CDKN2B-AS1: variants seen among roughly 807,000 people sequenced by gnomAD.
CDKN2B-AS1 encodes the protein CDKN2B antisense RNA 1 (non-protein coding).
intron 1 of CDKN2B-AS1, among the ~76,000 whole-genome samples, chr9:22,026,919 G>A (rs539519926): frequency 9.9e-4 from 150 of 152,154 alleles, no homozygotes; most frequent in Non-Finnish European, 1.6e-3. Context: ...CCAGAGTTGC[G>A]CATTCACTTA....
chr9:22,033,480 A>G (rs1822559811), intron 1 of CDKN2B-AS1, among the ~76,000 whole-genome samples: 1 of 152,178 alleles, frequency 6.6e-6, no homozygotes, highest in Admixed American at 6.6e-5. Context: ...TTTAACAAGT[A>G]CTGGCAAGTC....
intron 4 of CDKN2B-AS1, among the ~76,000 whole-genome samples, chr9:22,089,714 T>A (rs1047391205): frequency 1.3e-4 from 20 of 152,152 alleles, no homozygotes; most frequent in Non-Finnish European, 2.8e-4. Context: ...CCTCCCAAAG[T>A]GCTGGAGTTA....
In CDKN2B-AS1 at chr9:22,067,802, C is replaced by G. The variant is rs140483259; in HGVS notation, n.438+11415C>G. Among the ~76,000 whole-genome samples, 665 of 152,198 alleles carry G rather than the reference C, an allele frequency of 4.4e-3. 3 individuals carry two copies. Among genetic ancestry groups the G allele is most frequent in the Admixed American group, 4.3e-3 (66 of 15,278 alleles). The stretch of plus-strand genomic sequence containing the variant: ...GTGGTAGCTTTATGTTCCAGTTCAG[C>G]AAAACACAAATTTGAAGGCAATCTG... On this transcript the variant is annotated intron_variant and non_coding_transcript_variant, in intron 4 of 4. Transcript: ENST00000650946.
chr9:22,063,159 G>T (rs1823895558), intron 4 of CDKN2B-AS1, among the ~76,000 whole-genome samples: 1 of 152,040 alleles, frequency 6.6e-6, no homozygotes, highest in African/African-American at 2.4e-5. Flanking sequence ...ACATCAAGAG[G>T]ATAACTGAAG....
At position 21,997,779 on chromosome 9, in the gene CDKN2B-AS1, T is replaced by C. The variant is rs763252095; in HGVS notation, n.29+2618T>C. Among the ~76,000 whole-genome samples, 2 of 152,080 alleles carry C rather than the reference T, an allele frequency of 1.3e-5. No homozygotes were observed. The highest frequency in any genetic ancestry group is 3.9e-4 in the East Asian group (2 of 5,188). On this transcript the variant is annotated intron_variant and non_coding_transcript_variant, in intron 1 of 4. Transcript: ENST00000650946. This position sits in a 1 kb window ranked among gnomAD's most constrained non-coding sequence, Gnocchi z 4.8. ...TCTAAAAAATACCTCCACAGCAATA[T>C]TTAGACTGGTGTTTGACTCAAACAC... is the stretch of plus-strand genomic sequence containing the variant.
In CDKN2B-AS1 at chr9:22,000,477, A is replaced by G. The variant is rs960832082; in HGVS notation, n.29+5316A>G. Among the ~76,000 whole-genome samples the G allele has an allele frequency of 5.3e-5, 8 of 152,222 alleles. No homozygotes were observed. The highest frequency in any genetic ancestry group is 7.4e-5 in the Non-Finnish European group (5 of 68,024). ...TTAGCAAATAATAGAGGATGATCAA[A>G]TGTTTTTCAGAAAATATTATAGGTG... On this transcript the variant is annotated intron_variant and non_coding_transcript_variant, in intron 1 of 4. Transcript: ENST00000650946. This position sits in a 1 kb window ranked among gnomAD's most constrained non-coding sequence, Gnocchi z 4.1.
chr9:22,013,705 G>A (rs1821613876), intron 1 of CDKN2B-AS1, among the ~76,000 whole-genome samples: 1 of 151,990 alleles, frequency 6.6e-6, no homozygotes, highest in Admixed American at 6.6e-5. Context: ...CTTTCACCTC[G>A]GCCCCCCAAA....
chr9:22,013,640 A>G (rs187702867), intron 1 of CDKN2B-AS1, among the ~76,000 whole-genome samples: 14 of 152,196 alleles, frequency 9.2e-5, no homozygotes, highest in Non-Finnish European at 7.4e-5. Context: ...TTTTGAAGAG[A>G]TGAAGTCTTG....
chr9:22,011,929 G>T (rs1380105954), intron 1 of CDKN2B-AS1, among the ~76,000 whole-genome samples: 5 of 152,196 alleles, frequency 3.3e-5, no homozygotes, highest in Non-Finnish European at 7.3e-5. Context: ...TTATAATTGA[G>T]AAGAAAGAAA....
intron 4 of CDKN2B-AS1, among the ~76,000 whole-genome samples, chr9:22,090,898 G>C (rs1400965181): frequency 6.6e-6 from 1 of 152,080 alleles, no homozygotes; most frequent in Non-Finnish European, 1.5e-5. Context: ...TGAAGTCCTT[G>C]CCCATGCCTA....
intron 1 of CDKN2B-AS1, among the ~76,000 whole-genome samples, chr9:22,008,281 T>C (rs996105062): frequency 6.6e-6 from 1 of 152,194 alleles, no homozygotes; most frequent in African/African-American, 2.4e-5. Context: ...ACTGCTAACA[T>C]AAAAGGAACT....
chr9:22,112,730 C>G (rs2131368929), intron 4 of CDKN2B-AS1, among the ~76,000 whole-genome samples: 1 of 152,136 alleles, frequency 6.6e-6, no homozygotes. Context: ...AAAATTTAAT[C>G]TTATAATAAT....
At chr9:22,100,817 T>C (rs1825457885) in intron 4 of CDKN2B-AS1, among the ~76,000 whole-genome samples, 1 of 152,210 alleles carries the variant, frequency 6.6e-6, no homozygotes, top group Admixed American at 6.6e-5. Context: ...CACTTATTAT[T>C]GCCTGTCTTT....
intron 4 of CDKN2B-AS1, chr9:22,118,167 C>T (rs1187837091): frequency 6.6e-6 from 1 of 152,232 alleles, no homozygotes; most frequent in African/African-American, 2.4e-5. Flanking sequence ...CCATTCTCTC[C>T]ACATTGCCTT....
chr9:22,021,008 G>A (rs1821991960), intron 1 of CDKN2B-AS1, among the ~76,000 whole-genome samples: 2 of 152,086 alleles, frequency 1.3e-5, no homozygotes, highest in Non-Finnish European at 2.9e-5. Flanking sequence ...ATAGTTTTGG[G>A]TTTTACATTT....
intron 4 of CDKN2B-AS1, among the ~76,000 whole-genome samples, chr9:22,079,023 C>T (rs1231978289): frequency 2.6e-5 from 4 of 152,130 alleles, no homozygotes; most frequent in South Asian, 2.1e-4. Context: ...GGGGACAAGT[C>T]GCCCCAAAGC....
In CDKN2B-AS1 at chr9:22,006,001, C is replaced by A. The variant is rs756217982; in HGVS notation, n.29+10840C>A. 6.2e-7 allele frequency: 1 copy of A among 1,602,908 alleles called. No homozygotes were observed. The highest frequency in any genetic ancestry group is 8.5e-7 in the Non-Finnish European group (1 of 1,179,764). ...GGAACCTGGCGTCAGTCCCCCGTGG[C>A]TGTGCGCAGGTACCCTGCAACGTCG... On this transcript the variant is annotated intron_variant and non_coding_transcript_variant, in intron 1 of 4. Transcript: ENST00000650946. The surrounding 1 kb of genome is among the most constrained non-coding windows in gnomAD (Gnocchi z 6.4).
rs3028395 is a variant in CDKN2B-AS1, at chr9:22,045,038, T to TTGTGTGTGTGTGTGTG, written n.30-1695_30-1680dup. ...TTTCTTTTGGAAAAATATTATTTAT[T>TTGTGTGTGTGTGTGTG]TGTGTGTGTGTGTGTGTGTGTGTGT... On this transcript the variant is annotated intron_variant and non_coding_transcript_variant, in intron 1 of 4. Coordinates refer to ENST00000650946, the Ensembl canonical transcript of CDKN2B-AS1. Among the ~76,000 whole-genome samples, 1,362 of 141,916 alleles carry TTGTGTGTGTGTGTGTG rather than the reference T, an allele frequency of 9.6e-3. 13 individuals carry two copies. Among genetic ancestry groups the TTGTGTGTGTGTGTGTG allele is most frequent in the African/African-American group, 0.022 (789 of 36,552 alleles). 93.1% of individuals were successfully genotyped at this position (141,916 alleles called of 152,430 possible).
chr9:22,017,118 G>T (rs1002580799), intron 1 of CDKN2B-AS1, among the ~76,000 whole-genome samples: 2 of 152,004 alleles, frequency 1.3e-5, no homozygotes, highest in South Asian at 4.2e-4. Flanking sequence ...ATTTTTAGTG[G>T]GAAATGGCAT....
Sources: gnomAD v4.1 joint callset for allele counts (sites outside exome capture counted in the v4.1 genomes callset) on GRCh38, gnomAD v4.1.1 for gene constraint, Gnocchi (gnomAD v3.1) non-coding constraint, MANE v1.5 for transcripts, NCBI Gene and HGNC (gene_info 2026-07-23, HGNC 2026-07-21) for gene names.